The following PLIN1 variants were observed in gnomAD, a reference collection of about 807,000 sequenced individuals.
PLIN1 encodes the protein perilipin 1.
PLIN1 carries 37 observed loss-of-function variants against 45.8 expected under a neutral mutation model. The observed-to-expected ratio is 0.81, with a 90% CI of 0.62 to 1.06. The LOEUF (loss-of-function observed/expected upper bound fraction) is 1.06. Among genes scored for constraint, PLIN1 ranks in the 50% least tolerant of loss-of-function variants. The probability of loss-of-function intolerance (pLI) is 0.00; values close to 1 mark genes in which losing one functional copy is unlikely to be tolerated. For synonymous variants in PLIN1, 340 were observed against 309.2 expected (o/e 1.10, Z -1.05); for missense variants, 776 against 716.5 (o/e 1.08, Z -0.95).
At chr15:89,668,537 T>A (rs1964388851) in intron 6 of PLIN1, among the ~76,000 whole-genome samples, 1 of 152,204 alleles carries the variant, frequency 6.6e-6, no homozygotes, top group Non-Finnish European at 1.5e-5. Flanking sequence ...GAGTGTCCCA[T>A]GGGAAGAAAT....
At chr15:89,669,464 G>T in intron 6 of PLIN1, 36 bp downstream of exon 6, 1 of 1,583,578 alleles carries the variant, frequency 6.3e-7, no homozygotes, top group Non-Finnish European at 8.6e-7. Flanking sequence ...GGGCTCCCAG[G>T]CACCGGGTCA....
intron 4 of PLIN1, 71 bp downstream of exon 4, chr15:89,671,411 C>G: frequency 1.8e-6 from 2 of 1,099,162 alleles, no homozygotes. Flanking sequence ...ATCAGCAGCC[C>G]CTGCCCTCTC....
rs370575940 is a variant in PLIN1 at position 89,666,927 on chromosome 15, G to A, written c.1209+9C>T. 365 of 1,613,686 alleles carry A rather than the reference G, an allele frequency of 2.3e-4. No homozygotes were observed. The highest frequency in any genetic ancestry group is 2.0e-4 in the Non-Finnish European group (241 of 1,179,874). The stretch of plus-strand genomic sequence containing the variant: ...GGGACACTAACAGTTTGCCAGGGGT[G>A]GTACTCACCGGCACGTAATGCACCA... On this transcript the variant is annotated intron_variant, in intron 8 of 8. Coordinates refer to ENST00000300055, the MANE Select transcript of PLIN1 (RefSeq NM_002666.5).
At chr15:89,667,542 C>G in intron 7 of PLIN1, 60 bp downstream of exon 7, 1 of 1,613,906 alleles carries the variant, frequency 6.2e-7, no homozygotes, top group Non-Finnish European at 8.5e-7. Context: ...CACCCTATGC[C>G]TCTGCTTCTC....
rs541840951 is a variant in PLIN1, at chr15:89,667,697, C to T, written c.868G>A (p.Ala290Thr). 20 of 1,591,496 alleles carry T rather than the reference C, an allele frequency of 1.3e-5. No individual in the cohort carries two copies. The East Asian group carries it at 1.8e-4, about 15-fold the overall frequency. The change falls in exon 7 of 9, where the codon GCC (alanine) becomes ACC (threonine). Residue 290 changes from alanine to threonine, a missense_variant. Transcript: ENST00000300055. ...RVPWLHSLAA[A>T]QEEDHEDQTD... ...TGGTCCTCATGATCCTCCTCCTGGG[C>T]GGCTGCGAGGCTGTGCAGCCAGGGT...
rs1239591421 is a variant in PLIN1, at chr15:89,665,735, C to A, written c.1417G>T (p.Glu473Ter). 1 of 1,448,996 alleles carries A rather than the reference C, an allele frequency of 6.9e-7. No homozygotes were observed. The allele number at this position is 1,448,996 out of a possible 1,614,324, so 89.8% of individuals were successfully genotyped here. A position where few individuals can be genotyped will look rare whatever the true frequency, so the allele number is the denominator to read the frequency against. ...GAPPGPGLED[E>*]VATPAAPRPG... ...CGCGGCGCTGCGGGCGTGGCGACTT[C>A]GTCCTCCAGGCCCGGGCCGGGGGGC... The change falls in exon 9 of 9, where the codon GAA becomes TAA. Residue 473 changes from glutamate to a stop codon, truncating the protein, a stop_gained. Coordinates refer to ENST00000300055, the MANE Select transcript of PLIN1 (RefSeq NM_002666.5). LOFTEE classifies it high-confidence loss of function.
At chr15:89,674,481 T>A (rs1964486817) in intron 2 of PLIN1, among the ~76,000 whole-genome samples, 1 of 152,130 alleles carries the variant, frequency 6.6e-6, no homozygotes, top group East Asian at 1.9e-4. Context: ...ACTCAAGTGA[T>A]CCTTCTGCCT....
chr15:89,676,583 A>G (rs924099151), intron 2 of PLIN1: 5 of 152,310 alleles, frequency 3.3e-5, no homozygotes, highest in African/African-American at 1.2e-4. Context: ...TGAATTTGAA[A>G]TTTGAACTAG....
intron 1 of PLIN1, among the ~76,000 whole-genome samples, chr15:89,678,111 T>C (rs1402449881): frequency 6.6e-6 from 1 of 151,854 alleles, no homozygotes; most frequent in Non-Finnish European, 1.5e-5. Context: ...CAGGCTGGTC[T>C]CGAACTCCTG....
intron 8 of PLIN1, 94 bp from the exon 9 acceptor site, chr15:89,666,036 C>A: frequency 1.0e-6 from 1 of 980,862 alleles, no homozygotes; most frequent in Non-Finnish European, 1.4e-6. Flanking sequence ...GATTGTTCCC[C>A]CGGGAGCGGC....
chr15:89,677,680 GT>G (rs1964539530), intron 1 of PLIN1, 177 bp from the exon 2 acceptor site: 2 of 681,890 alleles, frequency 2.9e-6, no homozygotes, highest in Non-Finnish European at 5.3e-6. Context: ...ACTCCTTAGG[GT>G]CCCATAGCAA....
chr15:89,668,369 C>T (rs1017219631), intron 6 of PLIN1, among the ~76,000 whole-genome samples: 3 of 152,178 alleles, frequency 2.0e-5, no homozygotes, highest in African/African-American at 7.2e-5. Context: ...AAGGATATTG[C>T]TGATCTGAGC....
At chr15:89,668,537 TG>T (rs1273548955) in intron 6 of PLIN1, among the ~76,000 whole-genome samples, 2 of 152,204 alleles carry the variant, frequency 1.3e-5, no homozygotes, top group East Asian at 3.8e-4. Context: ...GAGTGTCCCA[TG>T]GGAAGAAATT....
At chr15:89,666,004 A>T in intron 8 of PLIN1, 62 bp from the exon 9 acceptor site, 1 of 1,251,520 alleles carries the variant, frequency 8.0e-7, no homozygotes, top group Admixed American at 3.0e-5. Context: ...CCTCTGACCC[A>T]CCGCCCCTTC....
chr15:89,667,496 G>A (rs1290202293), intron 7 of PLIN1, 106 bp downstream of exon 7: 21 of 1,528,692 alleles, frequency 1.4e-5, no homozygotes, highest in Non-Finnish European at 1.8e-5. Flanking sequence ...GCACGCACAT[G>A]CCGTGCCCCT....
intron 4 of PLIN1, among the ~76,000 whole-genome samples, chr15:89,671,204 C>T (rs535895583): frequency 2.2e-4 from 33 of 152,192 alleles, no homozygotes; most frequent in Middle Eastern, 6.8e-3. Flanking sequence ...TCCCAGGGTG[C>T]GGTATCGGGA....
Position 89,664,731 on chromosome 15 carries a change from A to C in PLIN1, c.*852T>G, listed in dbSNP as rs892643596. 2.2e-5 allele frequency: 9 copies of C among 401,834 alleles called. No individual in the cohort carries two copies. The highest frequency in any genetic ancestry group is 1.9e-4 in the African/African-American group (9 of 48,648). The allele number at this position is 401,834 out of a possible 1,614,324, so 24.9% of individuals were successfully genotyped here. On this transcript the variant is annotated 3_prime_UTR_variant, in exon 9 of 9. Transcript: ENST00000300055. ...GGGGAGCTCGGGGAGAAAGACACACATCCTTTTGCAATATTTGAATTCTGT... is the reference window on the plus strand; with the variant it reads ...GGGGAGCTCGGGGAGAAAGACACACCTCCTTTTGCAATATTTGAATTCTGT...
At chr15:89,674,734 A>G (rs1964489992) in intron 2 of PLIN1, among the ~76,000 whole-genome samples, 1 of 152,108 alleles carries the variant, frequency 6.6e-6, no homozygotes, top group Non-Finnish European at 1.5e-5. Flanking sequence ...GAAGTCAAAT[A>G]TGTCTCCCTT....
At chr15:89,670,512 C>T (rs1051922203) in intron 4 of PLIN1, among the ~76,000 whole-genome samples, 11 of 152,180 alleles carry the variant, frequency 7.2e-5, no homozygotes, top group African/African-American at 2.7e-4. Context: ...GAGGATGACC[C>T]CAAAGGCTCG....
Sources: allele counts gnomAD v4.1 joint callset (sites outside exome capture counted in the v4.1 genomes callset), GRCh38; gene constraint gnomAD v4.1.1; transcripts MANE v1.5; gene names NCBI Gene and HGNC (gene_info 2026-07-23, HGNC 2026-07-21).